The following FOXK2 variants were observed in gnomAD, a reference collection of about 807,000 sequenced individuals.
The protein encoded by FOXK2 is forkhead box K2.
A neutral mutation model predicts 53.3 loss-of-function variants in FOXK2; 24 were observed. The observed-to-expected ratio is 0.45, with a 90% CI of 0.33 to 0.63. The LOEUF (loss-of-function observed/expected upper bound fraction) is 0.63. Among genes scored for constraint, FOXK2 ranks in the 30% least tolerant of loss-of-function variants. The probability of loss-of-function intolerance (pLI) is 0.03; values close to 1 mark genes in which losing one functional copy is unlikely to be tolerated. For missense variants in FOXK2, 952 were observed against 910.5 expected (o/e 1.05, Z -0.59); for synonymous variants, 505 against 407.1 (o/e 1.24, Z -2.89).
intron 1 of FOXK2, among the ~76,000 whole-genome samples, chr17:82,563,095 C>G (rs561776440): frequency 2.6e-5 from 4 of 152,168 alleles, no homozygotes; most frequent in African/African-American, 9.7e-5. Flanking sequence ...GCATGAGCTA[C>G]GATACCTGGC....
chr17:82,535,261 C>CT (rs1348246201), intron 1 of FOXK2, among the ~76,000 whole-genome samples: 1 of 152,172 alleles, frequency 6.6e-6, no homozygotes, highest in Non-Finnish European at 1.5e-5. Flanking sequence ...AAGATTCTCT[C>CT]TTTTTTTGTC....
intron 1 of FOXK2, among the ~76,000 whole-genome samples, chr17:82,533,741 G>T (rs1333946618): frequency 1.3e-5 from 2 of 151,954 alleles, no homozygotes; most frequent in Non-Finnish European, 2.9e-5. Flanking sequence ...GCCCATCATT[G>T]ACTTGAAACG....
chr17:82,601,615 T>A lies in FOXK2; in HGVS notation c.*116T>A. On this transcript the variant is annotated 3_prime_UTR_variant, in exon 9 of 9. Coordinates refer to ENST00000335255, the MANE Select transcript of FOXK2 (RefSeq NM_004514.4). The stretch of plus-strand genomic sequence containing the variant: ...GTGGTTGGACTTCACCTCTCAGCAC[T>A]GAAAACCCAAAACCCAGCTGGCCTT... The A allele has an allele frequency of 1.8e-6, 2 of 1,087,916 alleles. No homozygotes were observed. The highest frequency in any genetic ancestry group is 2.6e-6 in the Non-Finnish European group (2 of 781,630). 67.4% of individuals were successfully genotyped at this position (1,087,916 alleles called of 1,614,324 possible).
chr17:82,596,648 T>G (rs2045316602), intron 8 of FOXK2, among the ~76,000 whole-genome samples: 1 of 152,228 alleles, frequency 6.6e-6, no homozygotes, highest in South Asian at 2.1e-4. Flanking sequence ...TTTTTAAAAA[T>G]CGCTTCAGCC....
At chr17:82,581,336 A>C (rs949562846) in intron 4 of FOXK2, among the ~76,000 whole-genome samples, 1 of 152,014 alleles carries the variant, frequency 6.6e-6, no homozygotes, top group East Asian at 1.9e-4. Context: ...TCTTGCTTCT[A>C]TTGCCCAGGC....
chr17:82,559,547 G>A (rs1455637481), intron 1 of FOXK2: 1 of 451,316 alleles, frequency 2.2e-6, no homozygotes, highest in Non-Finnish European at 4.5e-6. Flanking sequence ...TAGCAGTGAG[G>A]AGGACTCAGG....
At chr17:82,531,608 CAT>C (rs1426953150) in intron 1 of FOXK2, among the ~76,000 whole-genome samples, 2 of 152,146 alleles carry the variant, frequency 1.3e-5, no homozygotes, top group African/African-American at 4.8e-5. Flanking sequence ...ACTTAAGCAA[CAT>C]GTGACTGTAT....
At chr17:82,556,577 G>T (rs1334658418) in intron 1 of FOXK2, among the ~76,000 whole-genome samples, 4 of 151,852 alleles carry the variant, frequency 2.6e-5, no homozygotes, top group African/African-American at 9.7e-5. Flanking sequence ...TGGGGCTGGG[G>T]CTGGGGCTGG....
At chr17:82,529,887 G>A (rs1049566589) in intron 1 of FOXK2, among the ~76,000 whole-genome samples, 2 of 152,152 alleles carry the variant, frequency 1.3e-5, no homozygotes, top group Admixed American at 6.5e-5. Context: ...TCTCTTAGTC[G>A]TATTTATTGA....
At position 82,584,084 on chromosome 17, in the gene FOXK2, G is replaced by A; in HGVS notation, c.1175G>A (p.Ser392Asn). The A allele has an allele frequency of 1.9e-6, 3 of 1,611,838 alleles. No homozygotes were observed. ...TCTAGTGGCGCCCAGACCCCTGAGAGCCTGTCGAGGGAAGGTTCGCCGGCC... is the reference window on the plus strand; with the variant it reads ...TCTAGTGGCGCCCAGACCCCTGAGAACCTGTCGAGGGAAGGTTCGCCGGCC... ...AHSSGAQTPE[S>N]LSREGSPAPL... The change falls in exon 6 of 9, where the codon AGC becomes AAC. Residue 392 changes from serine to asparagine, a missense_variant. By Grantham distance (46) the Ser-to-Asn change is conservative (BLOSUM62 1). Around this residue, in one of 5 missense-constraint regions of FOXK2, gnomAD observed 551 missense variants for 385.1 expected, o/e 1.43. Transcript: ENST00000335255.
intron 1 of FOXK2, among the ~76,000 whole-genome samples, chr17:82,558,358 C>T (rs73371706): frequency 0.034 from 5,226 of 152,224 alleles, 295 homozygotes; most frequent in African/African-American, 0.12. Context: ...GGAAACAGAA[C>T]CGATGCAAGG....
rs139111801 is a variant in FOXK2 at position 82,581,930 on chromosome 17, C to T, written c.910-811C>T. The stretch of plus-strand genomic sequence containing the variant: ...CTGGGAGGGAAATTTTTCCTGTGTA[C>T]GTTACGAAATTATTTCAGAGTTCAA... On this transcript the variant is annotated intron_variant, in intron 4 of 8. Coordinates refer to ENST00000335255, the MANE Select transcript of FOXK2 (RefSeq NM_004514.4). Among the ~76,000 whole-genome samples the T allele has an allele frequency of 6.6e-3, 1,010 of 152,134 alleles. 4 individuals are homozygous for T. The highest frequency in any genetic ancestry group is 7.8e-3 in the Non-Finnish European group (531 of 68,014).
chr17:82,575,747 A>T (rs1023244207), intron 4 of FOXK2, among the ~76,000 whole-genome samples: 1 of 152,222 alleles, frequency 6.6e-6, no homozygotes, highest in African/African-American at 2.4e-5. Context: ...TGAAATCTCA[A>T]GCTGGGCTTG....
chr17:82,570,017 T>C (rs931494838), intron 3 of FOXK2, among the ~76,000 whole-genome samples: 3 of 144,094 alleles, frequency 2.1e-5, no homozygotes, highest in Admixed American at 6.9e-5. Context: ...GGTCAGGAGA[T>C]CGAGACCATC....
At chr17:82,585,871 T>TGTAA (rs780421896) in intron 6 of FOXK2, 33 bp from the exon 7 acceptor site, 2 of 1,589,678 alleles carry the variant, frequency 1.3e-6, no homozygotes, top group African/African-American at 2.7e-5. Flanking sequence ...AGTCAGTATC[T>TGTAA]GTAAGTGTCA....
chr17:82,534,521 C>T (rs1259470217), intron 1 of FOXK2, among the ~76,000 whole-genome samples: 1 of 152,174 alleles, frequency 6.6e-6, no homozygotes, highest in South Asian at 2.1e-4. Context: ...GGTCGTCATG[C>T]CTCAGGCTAG....
At chr17:82,550,502 C>CTTTT (rs1304088522) in intron 1 of FOXK2, among the ~76,000 whole-genome samples, 2 of 126,866 alleles carry the variant, frequency 1.6e-5, no homozygotes, top group African/African-American at 2.9e-5. Flanking sequence ...CTGAGGCGGG[C>CTTTT]TTTTTTTTTT....
At chr17:82,563,009 G>A (rs531380395) in intron 1 of FOXK2, among the ~76,000 whole-genome samples, 2 of 152,108 alleles carry the variant, frequency 1.3e-5, no homozygotes, top group South Asian at 2.1e-4. Flanking sequence ...GTCTTGCTGT[G>A]TTGCCCAGGC....
At chr17:82,586,719 C>A (rs575230437) in intron 7 of FOXK2, among the ~76,000 whole-genome samples, 1 of 151,956 alleles carries the variant, frequency 6.6e-6, no homozygotes. Context: ...CTGACCAACA[C>A]GGAGAAACCC....
Sources: gnomAD v4.1 joint callset for allele counts (sites outside exome capture counted in the v4.1 genomes callset) on GRCh38, gnomAD v4.1.1 for gene constraint, gnomAD v4.1.1 regional missense constraint, MANE v1.5 for transcripts, NCBI Gene and HGNC (gene_info 2026-07-23, HGNC 2026-07-21) for gene names.